CFAP69: variants seen among roughly 807,000 people sequenced by gnomAD.
CFAP69 encodes cilia and flagella associated protein 69.
A neutral mutation model predicts 123.0 loss-of-function variants in CFAP69; 92 were observed. The ratio of observed to expected loss-of-function variants is 0.75; its 90% CI spans 0.63 to 0.89. The LOEUF (loss-of-function observed/expected upper bound fraction) is 0.89, where lower values mean the gene tolerates loss of function less well. Ranked by LOEUF, CFAP69 falls within the 40% of genes least tolerant of loss-of-function variation. CFAP69 has a pLI of 0.00. For synonymous variants in CFAP69, 380 were observed against 364.3 expected, an observed-to-expected ratio of 1.04 and a Z score of -0.49; for missense variants, 1,067 against 1,096.9, an observed-to-expected ratio of 0.97 and a Z score of 0.39.
chr7:90,290,143 T>C (rs1021717458), intron 15 of CFAP69, among the ~76,000 whole-genome samples: 2 of 151,922 alleles, frequency 1.3e-5, no homozygotes, highest in Non-Finnish European at 2.9e-5. Flanking sequence ...ACAGAACCAG[T>C]AAGAAAAAAA....
chr7:90,249,812 G>T (rs911696398), intron 1 of CFAP69, among the ~76,000 whole-genome samples: 1 of 152,116 alleles, frequency 6.6e-6, no homozygotes, highest in South Asian at 2.1e-4. Flanking sequence ...AGGTTTCCAG[G>T]TGATGCTTGT....
At chr7:90,275,590 CTTTTTTTTTTTTTTTTT>C (rs57578763) in intron 9 of CFAP69, among the ~76,000 whole-genome samples, 1 of 62,040 alleles carries the variant, frequency 1.6e-5, no homozygotes. Flanking sequence ...GGCCAAAAGC[CTTTTTTTTTTTTTTTTT>C]TTTTTTTTTT....
At position 90,297,786 on chromosome 7, in the gene CFAP69, T is replaced by C. The variant is rs1157466957; in HGVS notation, c.1813T>C (p.Phe605Leu). Residue 605 changes from phenylalanine (F) to leucine (L), a missense_variant, in exon 16 of 23, where the codon TTT becomes CTT. Phe to Leu is a conservative substitution (Grantham distance 22, BLOSUM62 0). Transcript: ENST00000389297. The stretch of plus-strand genomic sequence containing the variant: ...GGGATGTTATCCCTCAGAGGATTAT[T>C]TTCTTGAAAAGGAAGGCATTTTTCT... ...ILGCYPSEDY[F>L]LEKEGIFLLL... 6.3e-7 allele frequency: 1 copy of C among 1,574,806 alleles called. No homozygotes were observed. Among genetic ancestry groups the C allele is most frequent in the South Asian group, 1.2e-5 (1 of 84,824 alleles).
downstream of CFAP69, among the ~76,000 whole-genome samples, chr7:90,311,560 G>A (rs1419545015): frequency 6.6e-6 from 1 of 152,116 alleles, no homozygotes; most frequent in African/African-American, 2.4e-5. Flanking sequence ...ATAAGAGCAG[G>A]CTCTATCACC....
chr7:90,307,292 G>T (rs1039684952), intron 20 of CFAP69, among the ~76,000 whole-genome samples, 194 bp downstream of exon 20: 2 of 152,264 alleles, frequency 1.3e-5, no homozygotes, highest in South Asian at 2.1e-4. Flanking sequence ...AAGTGTTTAA[G>T]GGGATGGATA....
At chr7:90,321,938 C>T in the CFAP69 span, among the ~76,000 whole-genome samples, 13 of 152,166 alleles carry the variant, frequency 8.5e-5, no homozygotes, top group African/African-American at 2.2e-4. Context: ...AGCCCAGCAG[C>T]GATGATCAGA....
chr7:90,284,186 A>C (rs1789911791), intron 13 of CFAP69, among the ~76,000 whole-genome samples: 1 of 152,178 alleles, frequency 6.6e-6, no homozygotes, highest in Admixed American at 6.6e-5. Flanking sequence ...TTTCCCTTTA[A>C]CCGGAAAGAA....
chr7:90,287,124 C>T (rs1325112965), intron 14 of CFAP69, among the ~76,000 whole-genome samples: 2 of 150,110 alleles, frequency 1.3e-5, no homozygotes, highest in African/African-American at 4.9e-5. Flanking sequence ...ATATCCATGT[C>T]ATTGCATGTA....
At chr7:90,258,029 T>C (rs957280898) in intron 2 of CFAP69, 69 bp from the exon 3 acceptor site, 18 of 1,049,730 alleles carry the variant, frequency 1.7e-5, no homozygotes, top group Non-Finnish European at 2.6e-5. Flanking sequence ...TACTTTTATG[T>C]TGAAGAATTT....
chr7:90,296,196 A>T (rs1334242581), intron 15 of CFAP69, among the ~76,000 whole-genome samples: 1 of 152,118 alleles, frequency 6.6e-6, no homozygotes, highest in Non-Finnish European at 1.5e-5. Flanking sequence ...ATAATCAATA[A>T]TTATCCAATG....
chr7:90,300,233 A>G (rs1384949788), intron 17 of CFAP69, 174 bp downstream of exon 17: 2 of 1,102,054 alleles, frequency 1.8e-6, no homozygotes, highest in African/African-American at 3.3e-5. Context: ...AACTAAGTAA[A>G]TTAGTAGTAG....
chr7:90,279,195 T>G (rs1789051881), intron 11 of CFAP69, among the ~76,000 whole-genome samples: 1 of 152,158 alleles, frequency 6.6e-6, no homozygotes, highest in Admixed American at 6.5e-5. Context: ...GGTTAAATAT[T>G]CACTGTAGTC....
In CFAP69 at chr7:90,306,569, A is replaced by C. The variant is rs372903876; in HGVS notation, c.2266-332A>C. Among the ~76,000 whole-genome samples, 13 of 152,322 alleles carry C rather than the reference A, an allele frequency of 8.5e-5. No homozygotes were observed. The East Asian group carries it at 1.5e-3, about 18-fold the overall frequency. ...GGGAGGAAAGTAACGATAGTTCAGA[A>C]AGATCAGAATAAATCAGCAGTTTCT... On this transcript the variant is annotated intron_variant, in intron 19 of 22. Coordinates refer to ENST00000389297, the MANE Select transcript of CFAP69 (RefSeq NM_001039706.3).
chr7:90,288,511 A>G (rs958048693), intron 15 of CFAP69, among the ~76,000 whole-genome samples, 159 bp downstream of exon 15: 1 of 152,194 alleles, frequency 6.6e-6, no homozygotes, highest in South Asian at 2.1e-4. Flanking sequence ...AGCCTACTAC[A>G]CACTTAGGCT....
intron 6 of CFAP69, chr7:90,269,068 C>G (rs1213596008): frequency 7.1e-6 from 1 of 140,320 alleles, no homozygotes; most frequent in Non-Finnish European, 1.5e-5. Context: ...AACCAGAAGT[C>G]AGTTAAAAAA....
Position 90,294,848 on chromosome 7 carries a change from C to T in CFAP69, c.1776-2901C>T, listed in dbSNP as rs1034227655. ...ATTAATCAAAACTTTACAGAGGAGA[C>T]AGTGATTTTTACCATTCATTCAACT... On this transcript the variant is annotated intron_variant, in intron 15 of 22. Coordinates refer to ENST00000389297, the MANE Select transcript of CFAP69 (RefSeq NM_001039706.3). Among the ~76,000 whole-genome samples the T allele has an allele frequency of 2.6e-5, 4 of 152,092 alleles. No individual in the cohort carries two copies. In the South Asian group the frequency reaches 8.3e-4, roughly 32 times the overall value.
chr7:90,288,458 A>G (rs1354860327), intron 15 of CFAP69, 106 bp downstream of exon 15: 1 of 1,297,994 alleles, frequency 7.7e-7, no homozygotes, highest in Non-Finnish European at 1.1e-6. Flanking sequence ...ATTTCATCTT[A>G]TGCAAACATT....
In CFAP69 at chr7:90,299,931, A is replaced by G; in HGVS notation, c.1922A>G (p.Lys641Arg). ...ATGGTTGAATTTTGTGATAATCCCA[A>G]AACTGCAGCTCATGTCAATGCTTGG... ...GIMVEFCDNP[K>R]TAAHVNAWQG... The change falls in exon 17 of 23, where the codon AAA becomes AGA. Residue 641 changes from lysine to arginine, a missense_variant. Transcript: ENST00000389297. The G allele has an allele frequency of 1.2e-6, 2 of 1,611,990 alleles. No homozygotes were observed. The highest frequency in any genetic ancestry group is 1.1e-5 in the South Asian group (1 of 90,768).
Position 90,310,331 on chromosome 7 carries a change from G to A in CFAP69, c.*93G>A. ...ATGTAAAGCCAATATTTTAGAATAA[G>A]TATTTTAGTATAAATATTTTAGTAA... On this transcript the variant is annotated 3_prime_UTR_variant, in exon 23 of 23. Transcript: ENST00000389297. The A allele has an allele frequency of 1.6e-6, 1 of 638,352 alleles. No individual in the cohort carries two copies. The highest frequency in any genetic ancestry group is 2.3e-6 in the Non-Finnish European group (1 of 437,992). 39.5% of individuals were successfully genotyped at this position (638,352 alleles called of 1,614,324 possible). A position where few individuals can be genotyped will look rare whatever the true frequency, so the allele number is the denominator to read the frequency against.
Sources: allele counts gnomAD v4.1 joint callset (sites outside exome capture counted in the v4.1 genomes callset), GRCh38; gene constraint gnomAD v4.1.1; transcripts MANE v1.5; gene names NCBI Gene and HGNC (gene_info 2026-07-23, HGNC 2026-07-21).